Variants in COX10 observed in about 807,000 individuals in gnomAD.
COX10 encodes the protein protoheme IX farnesyltransferase, mitochondrial.
COX10 carries 27 observed loss-of-function variants against 37.3 expected under a neutral mutation model. The observed-to-expected ratio is 0.72, with a 90% CI of 0.53 to 1.00. The LOEUF is 1.00. Ranked by LOEUF, COX10 falls within the 50% of genes least tolerant of loss-of-function variation. COX10 has a pLI of 0.00. For synonymous variants in COX10, 222 were observed against 229.1 expected, an observed-to-expected ratio of 0.97 and a Z score of 0.28; for missense variants, 475 against 563.2, an observed-to-expected ratio of 0.84 and a Z score of 1.59.
intron 6 of COX10, among the ~76,000 whole-genome samples, chr17:14,194,612 A>G (rs1906309103): frequency 6.6e-6 from 1 of 152,126 alleles, no homozygotes; most frequent in African/African-American, 2.4e-5. Flanking sequence ...TTTTTAATAG[A>G]GACGGGGTTT....
Position 14,069,648 on chromosome 17 carries a change from G to A in COX10, c.43G>A (p.Gly15Ser), listed in dbSNP as rs773416402. 1 of 1,614,070 alleles carries A rather than the reference G, an allele frequency of 6.2e-7. No homozygotes were observed. The highest frequency in any genetic ancestry group is 1.1e-5 in the South Asian group (1 of 91,070). Residue 15 changes from glycine to serine, a missense_variant and splice_region_variant, in exon 1 of 7, where the codon GGT becomes AGT. By Grantham distance (56) the Gly-to-Ser change is moderately conservative. Transcript: ENST00000261643. ...CACTCTCTCCTCACGCCTCCTGACA[G>A]GTACTGTACCCGCCTTGGGCACGAC... ...PHTLSSRLLT[G>S]CVGGSVWYLE...
chr17:14,077,082 C>G (rs1422742647), intron 3 of COX10, 26 bp downstream of exon 3: 1 of 1,607,170 alleles, frequency 6.2e-7, no homozygotes, highest in Admixed American at 1.7e-5. Context: ...GATATACTTA[C>G]TTATTTGAAA....
chr17:14,180,930 G>T (rs558136993), intron 5 of COX10, among the ~76,000 whole-genome samples: 3 of 152,132 alleles, frequency 2.0e-5, no homozygotes, highest in African/African-American at 7.2e-5. Context: ...TAAGTTCAGA[G>T]AATATAAAGA....
At chr17:14,177,316 A>G in intron 5 of COX10, 2 of 665,604 alleles carry the variant, frequency 3.0e-6, no homozygotes, top group East Asian at 5.4e-5. Context: ...ACACAAAAGG[A>G]AAAAAAAGAA....
intron 6 of COX10, among the ~76,000 whole-genome samples, chr17:14,192,668 T>C (rs1906242388): frequency 6.6e-6 from 1 of 152,182 alleles, no homozygotes; most frequent in Admixed American, 6.5e-5. Flanking sequence ...TTATTTTCAT[T>C]AGTTTCTAAT....
chr17:14,172,568 T>C (rs1905508091), intron 5 of COX10, among the ~76,000 whole-genome samples: 1 of 141,666 alleles, frequency 7.1e-6, no homozygotes, highest in Non-Finnish European at 1.5e-5. Context: ...TGTCTTCTTT[T>C]TTTCTTTTTC....
intron 3 of COX10, among the ~76,000 whole-genome samples, chr17:14,081,917 G>T (rs1251375237): frequency 3.3e-5 from 5 of 152,140 alleles, no homozygotes; most frequent in Admixed American, 1.3e-4. Context: ...AGAAAGAAAA[G>T]GTTTAAAGAA....
rs71147840 is a variant in COX10 at position 14,080,219 on chromosome 17, C to CTTT, written c.499+3183_499+3185dup. 6.7e-3 allele frequency among the ~76,000 whole-genome samples: 690 copies of CTTT among 102,690 alleles called. 14 individuals carry two copies. Among genetic ancestry groups the CTTT allele is most frequent in the East Asian group, 0.048 (167 of 3,468 alleles). 67.4% of individuals were successfully genotyped at this position (102,690 alleles called of 152,430 possible). A position where few individuals can be genotyped will look rare whatever the true frequency, so the allele number is the denominator to read the frequency against. On this transcript the variant is annotated intron_variant, in intron 3 of 6. Transcript: ENST00000261643. ...CAACAGCATTTGGGAATTAGACTTT[C>CTTT]TTTTTTTTTTTTTTTTTTTTTTGAG... is the stretch of plus-strand genomic sequence containing the variant.
In COX10 at chr17:14,196,962, C is replaced by T. The variant is rs2142266374; in HGVS notation, c.928+4741C>T. Reference sequence around the variant, plus strand: ...GAGGCAGGTTGCACGGAACATATTCCCTTCTGAGCCAAGACATCAAATACC... The same window carrying T: ...GAGGCAGGTTGCACGGAACATATTCTCTTCTGAGCCAAGACATCAAATACC... On this transcript the variant is annotated intron_variant, in intron 6 of 6. Coordinates refer to ENST00000261643, the MANE Select transcript of COX10 (RefSeq NM_001303.4). 2.6e-5 allele frequency among the ~76,000 whole-genome samples: 4 copies of T among 152,248 alleles called. No individual in the cohort carries two copies. The East Asian group carries it at 5.8e-4, about 22-fold the overall frequency.
intron 3 of COX10, among the ~76,000 whole-genome samples, chr17:14,078,464 A>G (rs1915205793): frequency 6.6e-6 from 1 of 152,136 alleles, no homozygotes; most frequent in African/African-American, 2.4e-5. Flanking sequence ...CAGAGGAGAA[A>G]CCTTAGAACC....
intron 4 of COX10, among the ~76,000 whole-genome samples, chr17:14,117,713 A>C (rs1020343273): frequency 2.0e-4 from 31 of 152,160 alleles, no homozygotes; most frequent in African/African-American, 6.8e-4. Context: ...GCAGCTCCTG[A>C]AACCCAAGTG....
At chr17:14,093,708 A>G (rs1915579300) in intron 3 of COX10, among the ~76,000 whole-genome samples, 1 of 152,090 alleles carries the variant, frequency 6.6e-6, no homozygotes, top group Non-Finnish European at 1.5e-5. Flanking sequence ...ACTCCTTCCA[A>G]TTCCCCCTTA....
intron 5 of COX10, among the ~76,000 whole-genome samples, chr17:14,191,315 C>T (rs1310587696): frequency 6.8e-6 from 1 of 147,932 alleles, no homozygotes; most frequent in Non-Finnish European, 1.5e-5. Flanking sequence ...TTGAAAATCC[C>T]GTGTGCATAA....
intron 1 of COX10, among the ~76,000 whole-genome samples, chr17:14,072,169 G>A (rs1056316304): frequency 1.3e-5 from 2 of 152,106 alleles, no homozygotes; most frequent in Non-Finnish European, 2.9e-5. Flanking sequence ...TTTCATAGCT[G>A]TTTTTTCTTC....
intron 5 of COX10, among the ~76,000 whole-genome samples, chr17:14,174,997 CA>C (rs78443723): frequency 0.49 from 51,534 of 106,146 alleles, 13,201 homozygotes; most frequent in East Asian, 0.6. Flanking sequence ...AGACAAAAGA[CA>C]GCATGTCGTA....
intron 3 of COX10, among the ~76,000 whole-genome samples, chr17:14,087,640 G>A (rs1915439016): frequency 6.6e-6 from 1 of 152,040 alleles, no homozygotes; most frequent in African/African-American, 2.4e-5. Flanking sequence ...TGGCCTGATG[G>A]AGGGAAGGAG....
chr17:14,188,153 G>T (rs1485522561), intron 5 of COX10, among the ~76,000 whole-genome samples: 29 of 102,824 alleles, frequency 2.8e-4, no homozygotes, highest in Admixed American at 6.7e-4. Context: ...AAAATAAAAT[G>T]TTTATCAGCC....
intron 4 of COX10, among the ~76,000 whole-genome samples, chr17:14,149,667 C>T (rs1904832463): frequency 6.6e-6 from 1 of 152,104 alleles, no homozygotes; most frequent in African/African-American, 2.4e-5. Flanking sequence ...GTCATTTTGC[C>T]TGCTTCATGG....
chr17:14,072,987 CAG>C (rs1267835966), intron 1 of COX10, among the ~76,000 whole-genome samples: 8 of 152,218 alleles, frequency 5.3e-5, no homozygotes, highest in Non-Finnish European at 1.2e-4. Flanking sequence ...TTGACAAAGA[CAG>C]AAAATTTGAC....
Sources: allele counts gnomAD v4.1 joint callset (sites outside exome capture counted in the v4.1 genomes callset), GRCh38; gene constraint gnomAD v4.1.1; transcripts MANE v1.5; gene names NCBI Gene and HGNC (gene_info 2026-07-23, HGNC 2026-07-21).